Variants in VAV3 observed in about 807,000 individuals in gnomAD.
The protein encoded by VAV3 is guanine nucleotide exchange factor VAV3.
A neutral mutation model predicts 131.2 loss-of-function variants in VAV3; 94 were observed. The observed-to-expected ratio is 0.72, with a 90% CI of 0.61 to 0.85. The LOEUF (loss-of-function observed/expected upper bound fraction) is 0.85, where lower values mean the gene tolerates loss of function less well. Ranked by LOEUF, VAV3 falls within the 40% of genes least tolerant of loss-of-function variation. The probability of loss-of-function intolerance (pLI) is 0.00; values close to 1 mark genes in which losing one functional copy is unlikely to be tolerated. For synonymous variants in VAV3, 349 were observed against 342.0 expected, an observed-to-expected ratio of 1.02 and a Z score of -0.22; for missense variants, 939 against 1,002.7, an observed-to-expected ratio of 0.94 and a Z score of 0.86.
At chr1:107,612,487 A>G (rs902119438) in intron 21 of VAV3, among the ~76,000 whole-genome samples, 3 of 152,052 alleles carry the variant, frequency 2.0e-5, no homozygotes, top group African/African-American at 7.2e-5. Context: ...TTCATTATGA[A>G]CATGTTTTCC....
chr1:107,746,523 A>G (rs1663354993), intron 15 of VAV3, among the ~76,000 whole-genome samples: 1 of 152,186 alleles, frequency 6.6e-6, no homozygotes, highest in African/African-American at 2.4e-5. Context: ...AAATCCGTAC[A>G]TACCCCTATA....
intron 4 of VAV3, among the ~76,000 whole-genome samples, chr1:107,776,235 T>G (rs1446240339): frequency 6.6e-6 from 1 of 152,180 alleles, no homozygotes; most frequent in Non-Finnish European, 1.5e-5. Context: ...CAAATACTTA[T>G]TGAGTACCTA....
In VAV3 at chr1:107,684,757, T is replaced by C. The variant is rs138589006; in HGVS notation, c.1732-1224A>G. Among the ~76,000 whole-genome samples the C allele has an allele frequency of 2.0e-3, 307 of 152,238 alleles. 1 individual carries two copies. Among genetic ancestry groups the C allele is most frequent in the Non-Finnish European group, 3.5e-3 (241 of 67,996 alleles). Reference sequence around the variant, plus strand: ...AGAGTCATTGTGAATGAAAGGAAAATTTTGCTCTAGATTTGTTGGTAGCCA... The same window carrying C: ...AGAGTCATTGTGAATGAAAGGAAAACTTTGCTCTAGATTTGTTGGTAGCCA... On this transcript the variant is annotated intron_variant, in intron 18 of 26. Coordinates refer to ENST00000370056, the MANE Select transcript of VAV3 (RefSeq NM_006113.5).
At chr1:107,715,538 T>C (rs1028306208) in intron 15 of VAV3, among the ~76,000 whole-genome samples, 7 of 152,192 alleles carry the variant, frequency 4.6e-5, no homozygotes, top group South Asian at 2.1e-4. Flanking sequence ...AACAAATTAA[T>C]TGAGTGCCTA....
At chr1:107,673,836 A>C (rs1414930498) in intron 19 of VAV3, among the ~76,000 whole-genome samples, 1 of 152,236 alleles carries the variant, frequency 6.6e-6, no homozygotes. Context: ...AAAAGTATAC[A>C]GGGTGATTAG....
chr1:107,811,230 T>A (rs1228237627), intron 2 of VAV3, among the ~76,000 whole-genome samples: 5 of 152,180 alleles, frequency 3.3e-5, no homozygotes, highest in Admixed American at 2.0e-4. Flanking sequence ...AACAGGTATC[T>A]TTTAGAGAGG....
At chr1:107,786,518 A>G (rs909902213) in intron 2 of VAV3, among the ~76,000 whole-genome samples, 2 of 152,236 alleles carry the variant, frequency 1.3e-5, no homozygotes, top group African/African-American at 4.8e-5. Flanking sequence ...TCAGCGTTAA[A>G]GAGGTGACAG....
intron 1 of VAV3, among the ~76,000 whole-genome samples, chr1:107,949,814 T>C (rs1444236151): frequency 6.6e-6 from 1 of 152,224 alleles, no homozygotes; most frequent in Middle Eastern, 3.2e-3. Flanking sequence ...TTTACTAACT[T>C]TCCTTAGCCA....
chr1:107,616,054 G>T, intron 21 of VAV3, among the ~76,000 whole-genome samples: 1 of 152,108 alleles, frequency 6.6e-6, no homozygotes, highest in East Asian at 1.9e-4. Flanking sequence ...ATTTCTCAAG[G>T]AACTTAAAGC....
At chr1:107,710,145 C>T (rs1001848672) in intron 15 of VAV3, among the ~76,000 whole-genome samples, 9 of 152,020 alleles carry the variant, frequency 5.9e-5, no homozygotes, top group African/African-American at 2.2e-4. Flanking sequence ...GAAGCAAATC[C>T]TAGCAAGATG....
chr1:107,843,172 A>C (rs1402729888), intron 2 of VAV3, among the ~76,000 whole-genome samples: 1 of 152,088 alleles, frequency 6.6e-6, no homozygotes, highest in South Asian at 2.1e-4. Context: ...CTGGGTGGGC[A>C]TTATAACTGA....
At chr1:107,670,772 A>C (rs535636980) in intron 19 of VAV3, among the ~76,000 whole-genome samples, 11 of 152,306 alleles carry the variant, frequency 7.2e-5, no homozygotes, top group Non-Finnish European at 1.6e-4. Flanking sequence ...TTTAAGTCAC[A>C]CTACAAATAT....
In VAV3 at chr1:107,723,669, G is replaced by A. The variant is rs552099240; in HGVS notation, c.1503-18608C>T. Among the ~76,000 whole-genome samples, 218 of 152,140 alleles carry A rather than the reference G, an allele frequency of 1.4e-3. 4 individuals carry two copies. The South Asian group carries it at 0.04, about 28-fold the overall frequency. On this transcript the variant is annotated intron_variant, in intron 15 of 26. Transcript: ENST00000370056. ...CTCTCTCCCTTGAACTCAAAGCTGC[G>A]CTAGTACCATTAAGTACTGCTGCCA...
At chr1:107,815,794 AT>A (rs1165354936) in intron 2 of VAV3, among the ~76,000 whole-genome samples, 4 of 152,044 alleles carry the variant, frequency 2.6e-5, no homozygotes, top group Non-Finnish European at 2.9e-5. Flanking sequence ...ATATGCACAA[AT>A]TTTTTTGCCT....
At chr1:107,772,929 A>C (rs1665137284) in intron 4 of VAV3, 86 bp from the exon 5 acceptor site, 10 of 1,171,072 alleles carry the variant, frequency 8.5e-6, no homozygotes, top group Admixed American at 6.9e-5. Flanking sequence ...TTTAGTAAAA[A>C]ATCCAGAAAG....
chr1:107,650,225 G>A (rs1326831281), intron 19 of VAV3, among the ~76,000 whole-genome samples: 1 of 151,960 alleles, frequency 6.6e-6, no homozygotes, highest in Non-Finnish European at 1.5e-5. Context: ...TGAGGGTCTG[G>A]CCCATTTTAT....
chr1:107,746,581 T>C (rs1233833538), intron 15 of VAV3, among the ~76,000 whole-genome samples: 1 of 152,164 alleles, frequency 6.6e-6, no homozygotes, highest in Non-Finnish European at 1.5e-5. Context: ...CAACTACCCA[T>C]TCCTCCCTTC....
intron 1 of VAV3, 78 bp downstream of exon 1, chr1:107,964,588 C>T: frequency 6.7e-7 from 1 of 1,493,504 alleles, no homozygotes; most frequent in South Asian, 1.3e-5. Flanking sequence ...TAGACGTTTG[C>T]ATTTACACAA....
chr1:107,804,627 T>C (rs1002904812), intron 2 of VAV3, among the ~76,000 whole-genome samples: 1 of 152,220 alleles, frequency 6.6e-6, no homozygotes, highest in Admixed American at 6.5e-5. Context: ...ATTATTCTTT[T>C]TGATACTTTG....
Sources: allele counts gnomAD v4.1 joint callset (sites outside exome capture counted in the v4.1 genomes callset), GRCh38; gene constraint gnomAD v4.1.1; transcripts MANE v1.5; gene names NCBI Gene and HGNC (gene_info 2026-07-23, HGNC 2026-07-21).